EPPIN: variants seen among roughly 807,000 people sequenced by gnomAD.
EPPIN encodes WAP four-disulfide core domain protein 7.
Under a neutral mutation model 18.8 loss-of-function variants are expected in EPPIN, and 14 were observed. The ratio of observed to expected loss-of-function variants is 0.75; its 90% CI spans 0.49 to 1.17. EPPIN has a LOEUF of 1.17. Among genes scored for constraint, EPPIN ranks in the 50% most tolerant of loss-of-function variants. The pLI is 0.00. For missense variants in EPPIN, 143 were observed against 154.2 expected (o/e 0.93, Z 0.39); for synonymous variants, 57 against 54.8 (o/e 1.04, Z -0.18).
At chr20:45,547,233 T>C in intron 1 of EPPIN, 34 bp downstream of exon 1, 1 of 1,612,964 alleles carries the variant, frequency 6.2e-7, no homozygotes, top group Non-Finnish European at 8.5e-7. Context: ...CAAACTCCCC[T>C]CTCTCTAGGG....
At chr20:45,544,685 C>T (rs1979743471) in intron 2 of EPPIN, 1 of 152,240 alleles carries the variant, frequency 6.6e-6, no homozygotes. Flanking sequence ...ATCTTGAAGT[C>T]CTTTAAGATA....
In EPPIN at chr20:45,547,361, G is replaced by A. The variant is rs753086028; in HGVS notation, c.-4C>T. ...TCAAAAGTCCAGAAGATCCCATGTTGAAGAGAGGCCAGCCTTTCTGGTGGT... is the reference window on the plus strand; with the variant it reads ...TCAAAAGTCCAGAAGATCCCATGTTAAAGAGAGGCCAGCCTTTCTGGTGGT... On this transcript the variant is annotated 5_prime_UTR_variant, in exon 1 of 4. Transcript: ENST00000354280. 1.2e-6 allele frequency: 2 copies of A among 1,613,650 alleles called. No homozygotes were observed. Among genetic ancestry groups the A allele is most frequent in the Admixed American group, 3.3e-5 (2 of 60,002 alleles).
chr20:45,542,252 T>A, intron 3 of EPPIN, 98 bp from the exon 4 acceptor site: 1 of 1,514,922 alleles, frequency 6.6e-7, no homozygotes, highest in Non-Finnish European at 9.0e-7. Context: ...AGAAAGACAC[T>A]AAAAAGTAGT....
intron 1 of EPPIN, chr20:45,546,122 C>T: frequency 2.8e-6 from 1 of 362,382 alleles, no homozygotes; most frequent in Non-Finnish European, 4.9e-6. Context: ...AATCCAGTAG[C>T]ACCCCTGATT....
At chr20:45,543,044 G>A in intron 2 of EPPIN, 177 bp from the exon 3 acceptor site, 2 of 1,005,672 alleles carry the variant, frequency 2.0e-6, no homozygotes, top group Non-Finnish European at 1.4e-6. Flanking sequence ...AGACCCCAGA[G>A]TGGGCATCTG....
At chr20:45,545,411 G>T in intron 2 of EPPIN, 1 of 591,170 alleles carries the variant, frequency 1.7e-6, no homozygotes, top group Non-Finnish European at 2.7e-6. Flanking sequence ...ATTCACCAAT[G>T]ATTTGTTCTG....
intron 2 of EPPIN, chr20:45,544,605 C>CT (rs1175652533): frequency 6.6e-6 from 1 of 152,466 alleles, no homozygotes; most frequent in Non-Finnish European, 1.5e-5. Context: ...ATGTCCTACT[C>CT]TTTCTTTCAA....
intron 2 of EPPIN, chr20:45,544,659 G>A (rs369000128): frequency 5.9e-5 from 9 of 152,122 alleles, no homozygotes; most frequent in Admixed American, 5.2e-4. Flanking sequence ...CTCTAGTTCC[G>A]GCCACCATTT....
Position 45,541,152 on chromosome 20 carries a change from G to T in EPPIN, c.*992C>A, listed in dbSNP as rs761687234. 1 of 152,156 alleles carries T rather than the reference G, an allele frequency of 6.6e-6. No homozygotes were observed. The highest frequency in any genetic ancestry group is 1.5e-5 in the Non-Finnish European group (1 of 68,028). 9.4% of individuals were successfully genotyped at this position (152,156 alleles called of 1,614,324 possible). On this transcript the variant is annotated 3_prime_UTR_variant, in exon 4 of 4. Coordinates refer to ENST00000354280, the MANE Select transcript of EPPIN (RefSeq NM_020398.4). ...ATGAAGCTGGAAGCCGTTATCCTCAGCAAAGTAACGCAGGAACAAAAGTAA... is the reference window on the plus strand; with the variant it reads ...ATGAAGCTGGAAGCCGTTATCCTCATCAAAGTAACGCAGGAACAAAAGTAA...
rs1237903953 is a variant in EPPIN at position 45,542,200 on chromosome 20, C to T, written c.392-46G>A. The T allele has an allele frequency of 3.1e-6, 5 of 1,610,756 alleles. No individual in the cohort carries two copies. In the Admixed American group the frequency reaches 6.7e-5, roughly 22 times the overall value. ...AAACAGCTGAGCATCTTGGGTTCAGCTCATCTTTGGAGCTTGAAGTTATGT... is the reference window on the plus strand; with the variant it reads ...AAACAGCTGAGCATCTTGGGTTCAGTTCATCTTTGGAGCTTGAAGTTATGT... On this transcript the variant is annotated intron_variant, in intron 3 of 3. Coordinates refer to ENST00000354280, the MANE Select transcript of EPPIN (RefSeq NM_020398.4).
Position 45,547,360 on chromosome 20 carries a change from T to G in EPPIN, c.-3A>C. 1 of 1,613,688 alleles carries G rather than the reference T, an allele frequency of 6.2e-7. No individual in the cohort carries two copies. Among genetic ancestry groups the G allele is most frequent in the Non-Finnish European group, 8.5e-7 (1 of 1,179,834 alleles). On this transcript the variant is annotated 5_prime_UTR_variant, in exon 1 of 4. Coordinates refer to ENST00000354280, the MANE Select transcript of EPPIN (RefSeq NM_020398.4). ...CTCAAAAGTCCAGAAGATCCCATGT[T>G]GAAGAGAGGCCAGCCTTTCTGGTGG...
intron 2 of EPPIN, 130 bp from the exon 3 acceptor site, chr20:45,542,997 G>A: frequency 4.4e-6 from 6 of 1,356,166 alleles, no homozygotes; most frequent in Non-Finnish European, 5.9e-6. Context: ...CATGGCAGGA[G>A]CACAGCTCCA....
intron 2 of EPPIN, chr20:45,544,978 A>G (rs1233414965): frequency 1.3e-5 from 2 of 152,236 alleles, no homozygotes; most frequent in Non-Finnish European, 2.9e-5. Context: ...CTAAAACATT[A>G]CCCATCTTTC....
At chr20:45,543,000 C>G in intron 2 of EPPIN, 133 bp from the exon 3 acceptor site, 4 of 1,317,614 alleles carry the variant, frequency 3.0e-6, no homozygotes, top group Non-Finnish European at 4.1e-6. Flanking sequence ...GGCAGGAGCA[C>G]AGCTCCACTG....
chr20:45,546,841 A>C (rs1979853654), intron 1 of EPPIN, among the ~76,000 whole-genome samples: 1 of 152,172 alleles, frequency 6.6e-6, no homozygotes. Context: ...CTTTATCTCA[A>C]AGTTAGGGAA....
Position 45,547,277 on chromosome 20 carries a change from C to T in EPPIN, c.81G>A (p.Trp27Ter). 1 of 1,613,892 alleles carries T rather than the reference C, an allele frequency of 6.2e-7. No individual in the cohort carries two copies. Among genetic ancestry groups the T allele is most frequent in the Non-Finnish European group, 8.5e-7 (1 of 1,179,852 alleles). ...ANVQGPGLTD[W>*]LFPRRCPKIR... ...GAGGCCAATACTTACTGGGAAATAA[C>T]CAATCAGTCAGACCAGGTCCCTGGA... Residue 27 changes from tryptophan (W) to a stop codon, truncating the protein, a stop_gained, in exon 1 of 4, where the codon TGG becomes TGA. Coordinates refer to ENST00000354280, the MANE Select transcript of EPPIN (RefSeq NM_020398.4). LOFTEE classifies it high-confidence loss of function.
chr20:45,543,286 G>A (rs1979681745), intron 2 of EPPIN: 1 of 156,330 alleles, frequency 6.4e-6, no homozygotes, highest in Non-Finnish European at 1.4e-5. Context: ...AGCCAGGGGA[G>A]AGCAATGGAA....
chr20:45,545,519 A>T (rs1417282239), intron 2 of EPPIN, 120 bp downstream of exon 2: 1 of 1,547,938 alleles, frequency 6.5e-7, no homozygotes, highest in Admixed American at 1.7e-5. Context: ...CAGGTCTCCC[A>T]AGTCCAGCAG....
chr20:45,542,516 C>T, intron 3 of EPPIN, 184 bp downstream of exon 3: 7 of 853,838 alleles, frequency 8.2e-6, no homozygotes, highest in Non-Finnish European at 1.2e-5. Flanking sequence ...ATCCTCAGTT[C>T]CTCATACTCA....
Sources: gnomAD v4.1 joint callset for allele counts (sites outside exome capture counted in the v4.1 genomes callset) on GRCh38, gnomAD v4.1.1 for gene constraint, MANE v1.5 for transcripts, NCBI Gene and HGNC (gene_info 2026-07-23, HGNC 2026-07-21) for gene names.